ESRRG: variants seen among roughly 807,000 people sequenced by gnomAD.
ESRRG encodes estrogen-related receptor gamma.
ESRRG carries 13 observed loss-of-function variants against 44.0 expected under a neutral mutation model. The ratio of observed to expected loss-of-function variants is 0.30; its 90% CI spans 0.19 to 0.47. The LOEUF (loss-of-function observed/expected upper bound fraction) is 0.47. Ranked by LOEUF, ESRRG falls within the 20% of genes least tolerant of loss-of-function variation. The pLI is 1.00. For missense variants in ESRRG, 395 were observed against 580.6 expected (o/e 0.68, Z 3.29); for synonymous variants, 215 against 214.6 (o/e 1.00, Z -0.02).
chr1:216,951,331 T>C (rs185256296), intron 1 of ESRRG, among the ~76,000 whole-genome samples: 39 of 152,304 alleles, frequency 2.6e-4, no homozygotes, highest in African/African-American at 9.1e-4. Flanking sequence ...ACAAATGCAG[T>C]GATACTAATA....
At chr1:216,660,740 A>C (rs185724054) in intron 2 of ESRRG, among the ~76,000 whole-genome samples, 1 of 152,276 alleles carries the variant, frequency 6.6e-6, no homozygotes, top group Admixed American at 6.5e-5. Flanking sequence ...TGCTGTTGTC[A>C]GACTTATGGT....
chr1:216,877,885 C>T (rs576767197), intron 2 of ESRRG, among the ~76,000 whole-genome samples: 14 of 152,282 alleles, frequency 9.2e-5, no homozygotes, highest in South Asian at 6.2e-4. Context: ...ACATGTACAC[C>T]TACCAAGTTC....
chr1:216,615,966 G>A lies in ESRRG; in HGVS notation c.589+35007C>T, dbSNP rs185427364. Among the ~76,000 whole-genome samples the A allele has an allele frequency of 4.6e-5, 7 of 152,202 alleles. No homozygotes were observed. The East Asian group carries it at 1.2e-3, about 25-fold the overall frequency. On this transcript the variant is annotated intron_variant, in intron 3 of 6. Transcript: ENST00000408911. ...CTCCCAAAGTGCTGGGATTACAGGC[G>A]TGAGCACCAGGCCCAGCCAACCTTG...
chr1:216,838,867 T>C (rs1353629667), intron 2 of ESRRG, among the ~76,000 whole-genome samples: 1 of 152,158 alleles, frequency 6.6e-6, no homozygotes, highest in Non-Finnish European at 1.5e-5. Flanking sequence ...CTTCAGTGAG[T>C]CGTAATCTTT....
At chr1:217,087,456 A>G (rs1325740766) in intron 1 of ESRRG, among the ~76,000 whole-genome samples, 1 of 152,206 alleles carries the variant, frequency 6.6e-6, no homozygotes, top group African/African-American at 2.4e-5. Context: ...AATTTCTGGA[A>G]AAATTGTACA....
chr1:216,778,151 T>G (rs1281371560), intron 2 of ESRRG, among the ~76,000 whole-genome samples: 1 of 151,958 alleles, frequency 6.6e-6, no homozygotes, highest in Non-Finnish European at 1.5e-5. Flanking sequence ...GAGATTTGTG[T>G]GCTGGGGGTG....
At chr1:217,123,323 T>C (rs2092846908) in intron 1 of ESRRG, among the ~76,000 whole-genome samples, 1 of 152,236 alleles carries the variant, frequency 6.6e-6, no homozygotes, top group South Asian at 2.1e-4. Flanking sequence ...TACACACTTG[T>C]ATTATGTCCC....
At chr1:217,076,417 T>C (rs1345175602) in intron 1 of ESRRG, among the ~76,000 whole-genome samples, 1 of 152,142 alleles carries the variant, frequency 6.6e-6, no homozygotes, top group Admixed American at 6.6e-5. Context: ...ACAGGTACAA[T>C]TTGCTCATTT....
intron 2 of ESRRG, among the ~76,000 whole-genome samples, chr1:216,881,969 G>GT (rs34444855): frequency 0.4 from 58,659 of 145,990 alleles, 11,824 homozygotes; most frequent in East Asian, 0.54. Flanking sequence ...TATGCACTGG[G>GT]TTTTTTTTTT....
At chr1:217,033,894 T>G (rs929025875) in intron 1 of ESRRG, among the ~76,000 whole-genome samples, 7 of 152,172 alleles carry the variant, frequency 4.6e-5, no homozygotes, top group African/African-American at 1.7e-4. Flanking sequence ...CTTAAAGAGT[T>G]TAAATACGTT....
chr1:217,047,900 G>A (rs1260115779), intron 1 of ESRRG, among the ~76,000 whole-genome samples: 1 of 152,162 alleles, frequency 6.6e-6, no homozygotes, highest in Non-Finnish European at 1.5e-5. Flanking sequence ...AATGGAACTA[G>A]AGAAAAGAAG....
intron 1 of ESRRG, among the ~76,000 whole-genome samples, chr1:217,025,250 T>G (rs1052076578): frequency 1.3e-5 from 2 of 152,180 alleles, no homozygotes; most frequent in Non-Finnish European, 2.9e-5. Flanking sequence ...ATTTAGCATA[T>G]GTTTCTGCAG....
chr1:217,063,879 T>C (rs527665537), intron 1 of ESRRG, among the ~76,000 whole-genome samples: 2 of 152,314 alleles, frequency 1.3e-5, no homozygotes, highest in African/African-American at 4.8e-5. Context: ...ACTACACTTC[T>C]TGGAAAGGTA....
At chr1:217,035,479 C>T (rs573457669) in intron 1 of ESRRG, among the ~76,000 whole-genome samples, 3 of 152,060 alleles carry the variant, frequency 2.0e-5, no homozygotes, top group Non-Finnish European at 2.9e-5. Flanking sequence ...TCAAAGGAGG[C>T]CTATTTTTTT....
chr1:216,506,617 C>T lies in ESRRG; in HGVS notation c.*322G>A, dbSNP rs190937299. 141 of 465,188 alleles carry T rather than the reference C, an allele frequency of 3.0e-4. No homozygotes were observed. Among genetic ancestry groups the T allele is most frequent in the Admixed American group, 2.1e-3 (87 of 40,872 alleles). The allele number at this position is 465,188 out of a possible 1,614,324, so 28.8% of individuals were successfully genotyped here. ...AAAGAAAAGAAAGAAGGCAGGCAGA[C>T]GGGAAGAAAATAAAGGAGAATGGGA... On this transcript the variant is annotated 3_prime_UTR_variant, in exon 7 of 7. Coordinates refer to ENST00000408911, the MANE Select transcript of ESRRG (RefSeq NM_001438.4).
In ESRRG at chr1:217,019,070, A is replaced by T. The variant is rs11572432; in HGVS notation, c.-106+70437T>A. The stretch of plus-strand genomic sequence containing the variant: ...GAAAAGCCACCACTCACTAACTTTA[A>T]AGTTGGAGAAAAGTTCAGATGTCTT... On this transcript the variant is annotated intron_variant, in intron 1 of 7. Coordinates refer to the ESRRG transcript ENST00000359162. Among the ~76,000 whole-genome samples the T allele has an allele frequency of 3.3e-5, 5 of 152,260 alleles. No homozygotes were observed. The South Asian group carries it at 1.0e-3, about 32-fold the overall frequency.
chr1:216,576,333 A>T (rs866901947), intron 3 of ESRRG, among the ~76,000 whole-genome samples: 1 of 78,690 alleles, frequency 1.3e-5, no homozygotes, highest in African/African-American at 5.3e-5. Context: ...ATCCATTAGG[A>T]GGGCTTTTTT....
At chr1:216,977,379 T>C (rs997955097) in intron 1 of ESRRG, among the ~76,000 whole-genome samples, 42 of 106,346 alleles carry the variant, frequency 3.9e-4, no homozygotes, top group African/African-American at 1.5e-3. Context: ...CACATATACA[T>C]ATAGATAGAT....
intron 1 of ESRRG, among the ~76,000 whole-genome samples, chr1:217,135,077 G>C (rs1450279873): frequency 6.6e-6 from 1 of 152,200 alleles, no homozygotes; most frequent in Non-Finnish European, 1.5e-5. Flanking sequence ...TCCCCGCACC[G>C]CAGAGGGATG....
Sources: allele counts gnomAD v4.1 joint callset (sites outside exome capture counted in the v4.1 genomes callset), GRCh38; gene constraint gnomAD v4.1.1; transcripts MANE v1.5; gene names NCBI Gene and HGNC (gene_info 2026-07-23, HGNC 2026-07-21).